The following BTBD9 variants were observed in gnomAD, a reference collection of about 807,000 sequenced individuals.
BTBD9 encodes BTB/POZ domain-containing protein 9.
A neutral mutation model predicts 64.3 loss-of-function variants in BTBD9; 49 were observed. The observed-to-expected ratio is 0.76, with a 90% CI of 0.61 to 0.97. The LOEUF is 0.97. Among genes scored for constraint, BTBD9 ranks in the 50% least tolerant of loss-of-function variants. The pLI is 0.00. For missense variants in BTBD9, 598 were observed against 762.1 expected (o/e 0.78, Z 2.53); for synonymous variants, 260 against 274.7 (o/e 0.95, Z 0.53).
At chr6:38,526,314 G>A (rs891571997) in intron 6 of BTBD9, among the ~76,000 whole-genome samples, 26 of 152,242 alleles carry the variant, frequency 1.7e-4, no homozygotes, top group African/African-American at 6.3e-4. Flanking sequence ...TGCACAGAGG[G>A]CAAGAGTTGA....
chr6:38,404,746 T>C (rs950825492), intron 6 of BTBD9, among the ~76,000 whole-genome samples: 7 of 152,176 alleles, frequency 4.6e-5, no homozygotes, highest in African/African-American at 1.7e-4. Context: ...TCTGGGCTTG[T>C]TATTATCAAA....
intron 6 of BTBD9, among the ~76,000 whole-genome samples, chr6:38,372,557 T>A (rs566612155): frequency 2.6e-5 from 4 of 152,354 alleles, no homozygotes; most frequent in African/African-American, 9.6e-5. Flanking sequence ...ACTCTTTTCA[T>A]CCATATTTGC....
chr6:38,608,447 T>C (rs1777500095), intron 1 of BTBD9, among the ~76,000 whole-genome samples: 1 of 152,238 alleles, frequency 6.6e-6, no homozygotes, highest in African/African-American at 2.4e-5. Context: ...CGGCAACTTA[T>C]GGGTCTGTAA....
chr6:38,211,407 C>A (rs1762829849), intron 9 of BTBD9, among the ~76,000 whole-genome samples: 2 of 134,718 alleles, frequency 1.5e-5, no homozygotes, highest in Admixed American at 8.2e-5. Context: ...CCAGCCTGGG[C>A]AAAAGAGCGA....
chr6:38,263,295 G>A (rs1399023926), intron 8 of BTBD9, among the ~76,000 whole-genome samples: 1 of 152,176 alleles, frequency 6.6e-6, no homozygotes, highest in Non-Finnish European at 1.5e-5. Flanking sequence ...TTCATCCTTT[G>A]TGACATTAAA....
intron 6 of BTBD9, among the ~76,000 whole-genome samples, chr6:38,392,443 A>G (rs1159985873): frequency 6.6e-6 from 1 of 152,180 alleles, no homozygotes; most frequent in Non-Finnish European, 1.5e-5. Flanking sequence ...GACCAGAGAC[A>G]CAGCAACTCC....
At chr6:38,335,558 G>A (rs1763859618) in intron 7 of BTBD9, among the ~76,000 whole-genome samples, 1 of 151,318 alleles carries the variant, frequency 6.6e-6, no homozygotes, top group Non-Finnish European at 1.5e-5. Flanking sequence ...CAGCCTCCAG[G>A]TAGTTCTTTT....
chr6:38,168,764 C>CT lies in BTBD9; in HGVS notation c.*6220dup, dbSNP rs1766624671. The CT allele has an allele frequency of 6.6e-6, 1 of 152,226 alleles. No homozygotes were observed. The highest frequency in any genetic ancestry group is 1.5e-5 in the Non-Finnish European group (1 of 68,068). 9.4% of individuals were successfully genotyped at this position (152,226 alleles called of 1,614,324 possible). On this transcript the variant is annotated 3_prime_UTR_variant, in exon 11 of 11. Transcript: ENST00000481247. The stretch of plus-strand genomic sequence containing the variant: ...TTTACAGGCCCAGAAACGCCAAAGG[C>CT]TGGGAGGCTCTTGTTCTCTGGTGAA...
chr6:38,334,692 T>C (rs1243380005), intron 7 of BTBD9, among the ~76,000 whole-genome samples: 2 of 151,714 alleles, frequency 1.3e-5, no homozygotes, highest in African/African-American at 4.8e-5. Flanking sequence ...AAACAAGCTG[T>C]ACGCATTTAC....
chr6:38,353,963 T>C (rs527863128), intron 6 of BTBD9, among the ~76,000 whole-genome samples: 43 of 152,320 alleles, frequency 2.8e-4, no homozygotes, highest in Admixed American at 2.5e-3. Flanking sequence ...TAATTGTAAC[T>C]TAAAAGTTTA....
At position 38,173,143 on chromosome 6, in the gene BTBD9, CT is replaced by C. The variant is rs1401190044; in HGVS notation, c.*1841del. On this transcript the variant is annotated 3_prime_UTR_variant, in exon 11 of 11. Transcript: ENST00000481247. Reference sequence around the variant, plus strand: ...TGTCCCCATCTGGGTAGAAAACACACTGGGGAAGGAAGTGCTGTGTGTGCAG... The same window carrying C: ...TGTCCCCATCTGGGTAGAAAACACACGGGGAAGGAAGTGCTGTGTGTGCAG... 1 of 152,344 alleles carries C rather than the reference CT, an allele frequency of 6.6e-6. No homozygotes were observed. The highest frequency in any genetic ancestry group is 2.4e-5 in the African/African-American group (1 of 41,484). 9.4% of individuals were successfully genotyped at this position (152,344 alleles called of 1,614,324 possible).
chr6:38,344,843 C>T (rs1477904349), intron 7 of BTBD9, 141 bp downstream of exon 7: 1 of 480,368 alleles, frequency 2.1e-6, no homozygotes, highest in Non-Finnish European at 3.7e-6. Context: ...AAAATGTAAG[C>T]CATTCCCTAT....
chr6:38,596,038 T>C lies in BTBD9; in HGVS notation c.186-1711A>G, dbSNP rs527338202. On this transcript the variant is annotated intron_variant, in intron 2 of 10. Transcript: ENST00000481247. Reference sequence around the variant, plus strand: ...AAGCACAGAGGTTCAATGTTTACTATGAAGTTTCCTCCTATACAATTCCTT... The same window carrying C: ...AAGCACAGAGGTTCAATGTTTACTACGAAGTTTCCTCCTATACAATTCCTT... 72 of 985,472 alleles carry C rather than the reference T, an allele frequency of 7.3e-5. No homozygotes were observed. In the South Asian group the frequency reaches 2.9e-3, roughly 40 times the overall value. 61.0% of individuals were successfully genotyped at this position (985,472 alleles called of 1,614,324 possible).
At chr6:38,388,444 T>C (rs1766278918) in intron 6 of BTBD9, among the ~76,000 whole-genome samples, 1 of 152,226 alleles carries the variant, frequency 6.6e-6, no homozygotes, top group Non-Finnish European at 1.5e-5. Context: ...ACAGTCTACT[T>C]AGACTTTTAT....
At chr6:38,537,317 C>G (rs1774066433) in intron 6 of BTBD9, among the ~76,000 whole-genome samples, 1 of 152,082 alleles carries the variant, frequency 6.6e-6, no homozygotes, top group Non-Finnish European at 1.5e-5. Flanking sequence ...ACAACCACTC[C>G]CCTATGAAGT....
At chr6:38,438,233 AGGGAGGGAGGGAGGG>A (rs1768838633) in intron 6 of BTBD9, among the ~76,000 whole-genome samples, 5 of 64,596 alleles carry the variant, frequency 7.7e-5, no homozygotes, top group South Asian at 4.0e-4. Context: ...GGAGGGAGGG[AGGGAGGGAGGGAGGG>A]AGGAAGGAAG....
intron 6 of BTBD9, among the ~76,000 whole-genome samples, chr6:38,515,812 G>T (rs1773000614): frequency 6.6e-6 from 1 of 152,136 alleles, no homozygotes; most frequent in Non-Finnish European, 1.5e-5. Flanking sequence ...GAAAAGCACA[G>T]AATAAATCAT....
intron 6 of BTBD9, among the ~76,000 whole-genome samples, chr6:38,438,470 G>A (rs1377613709): frequency 6.6e-6 from 1 of 152,050 alleles, no homozygotes; most frequent in African/African-American, 2.4e-5. Context: ...GGGAGTGATG[G>A]GACAGTGCAT....
intron 1 of BTBD9, among the ~76,000 whole-genome samples, chr6:38,625,675 G>C (rs929721052): frequency 6.6e-6 from 1 of 152,116 alleles, no homozygotes; most frequent in African/African-American, 2.4e-5. Flanking sequence ...GAGCTGAAAA[G>C]AATTCAAGCA....
Sources: gnomAD v4.1 joint callset for allele counts (sites outside exome capture counted in the v4.1 genomes callset) on GRCh38, gnomAD v4.1.1 for gene constraint, MANE v1.5 for transcripts, NCBI Gene and HGNC (gene_info 2026-07-23, HGNC 2026-07-21) for gene names.